DCTN4: variants seen among roughly 807,000 people sequenced by gnomAD.
The protein encoded by DCTN4 is dynactin 4 (p62).
Under a neutral mutation model 62.7 loss-of-function variants are expected in DCTN4, and 23 were observed. The ratio of observed to expected loss-of-function variants is 0.37; its 90% CI spans 0.26 to 0.52. The LOEUF is 0.52. DCTN4 is among the 20% of genes least tolerant of loss of function. DCTN4 has a pLI of 0.92. For missense variants in DCTN4, 514 were observed against 580.4 expected, an observed-to-expected ratio of 0.89 and a Z score of 1.18; for synonymous variants, 199 against 202.1, an observed-to-expected ratio of 0.98 and a Z score of 0.13.
At chr5:150,734,975 C>G (rs1760522500) in intron 4 of DCTN4, among the ~76,000 whole-genome samples, 1 of 152,222 alleles carries the variant, frequency 6.6e-6, no homozygotes, top group South Asian at 2.1e-4. Flanking sequence ...TTCACAGCAG[C>G]TGCAGCAAAC....
chr5:150,733,073 G>A (rs543233375), intron 5 of DCTN4, among the ~76,000 whole-genome samples: 2 of 152,162 alleles, frequency 1.3e-5, no homozygotes, highest in Non-Finnish European at 2.9e-5. Context: ...ATACACAAAA[G>A]CTGTACGTGG....
At chr5:150,747,050 A>C (rs1342318618) in intron 3 of DCTN4, among the ~76,000 whole-genome samples, 3 of 152,166 alleles carry the variant, frequency 2.0e-5, no homozygotes, top group Non-Finnish European at 4.4e-5. Context: ...CCATCGTCTC[A>C]GCCCAAAATC....
intron 4 of DCTN4, among the ~76,000 whole-genome samples, chr5:150,739,518 A>G (rs1250713655): frequency 6.6e-6 from 1 of 152,236 alleles, no homozygotes; most frequent in East Asian, 1.9e-4. Context: ...AGCAATCTGC[A>G]AATTCAATGC....
rs565660157 is a variant in DCTN4, at chr5:150,756,579, T to C, written c.136-92A>G. 2.5e-5 allele frequency: 18 copies of C among 712,916 alleles called. No individual in the cohort carries two copies. In the African/African-American group the frequency reaches 3.3e-4, roughly 13 times the overall value. The allele number at this position is 712,916 out of a possible 1,614,324, so 44.2% of individuals were successfully genotyped here. ...GTCAAATAGTGAATTTTAAAATATG[T>C]TATACTGTAGCAGAAAGTAGACTGT... On this transcript the variant is annotated intron_variant, in intron 1 of 12. Coordinates refer to ENST00000447998, the MANE Select transcript of DCTN4 (RefSeq NM_016221.4).
intron 8 of DCTN4, among the ~76,000 whole-genome samples, chr5:150,724,321 G>A (rs1180707173): frequency 6.6e-6 from 1 of 151,940 alleles, no homozygotes; most frequent in Non-Finnish European, 1.5e-5. Flanking sequence ...TTTCCTTGCC[G>A]ATTTGCTGAT....
At chr5:150,757,360 T>A (rs1269534392) in intron 1 of DCTN4, among the ~76,000 whole-genome samples, 1 of 152,166 alleles carries the variant, frequency 6.6e-6, no homozygotes, top group Non-Finnish European at 1.5e-5. Context: ...AAATTCTGCT[T>A]GTCCGTTCAT....
At chr5:150,753,678 C>G (rs771596778) in intron 2 of DCTN4, 21 bp from the exon 3 acceptor site, 7 of 1,596,576 alleles carry the variant, frequency 4.4e-6, no homozygotes, top group Non-Finnish European at 6.0e-6. Context: ...ACAAACACAA[C>G]CATTCATTCA....
chr5:150,756,384 TA>T, intron 2 of DCTN4, 32 bp downstream of exon 2: 1 of 1,486,922 alleles, frequency 6.7e-7, no homozygotes, highest in Non-Finnish European at 9.1e-7. Context: ...TCAAGGAAAA[TA>T]GGAAGAAAAA....
intron 8 of DCTN4, among the ~76,000 whole-genome samples, chr5:150,728,571 AT>A (rs1186278304): frequency 1.3e-5 from 2 of 152,198 alleles, no homozygotes; most frequent in African/African-American, 4.8e-5. Flanking sequence ...TTTTGAGTCT[AT>A]TATTCAGTGC....
Position 150,710,975 on chromosome 5 carries a change from G to A in DCTN4, c.*174C>T. The A allele has an allele frequency of 1.6e-6, 1 of 641,572 alleles. No individual in the cohort carries two copies. The highest frequency in any genetic ancestry group is 2.7e-6 in the Non-Finnish European group (1 of 370,456). 39.7% of individuals were successfully genotyped at this position (641,572 alleles called of 1,614,324 possible). On this transcript the variant is annotated 3_prime_UTR_variant, in exon 13 of 13. Transcript: ENST00000447998. ...AACAGGGGTGAGAGCAAGAGCAACAGCAGCTACCCTGTGTTCCCAATGCCT... is the reference window on the plus strand; with the variant it reads ...AACAGGGGTGAGAGCAAGAGCAACAACAGCTACCCTGTGTTCCCAATGCCT...
At chr5:150,714,729 A>G (rs555992267) in intron 12 of DCTN4, among the ~76,000 whole-genome samples, 3 of 152,110 alleles carry the variant, frequency 2.0e-5, no homozygotes, top group South Asian at 4.2e-4. Context: ...AAGTTTTCCA[A>G]TTCTTGTATA....
At chr5:150,713,434 TCTTTTC>T in intron 12 of DCTN4, among the ~76,000 whole-genome samples, 1 of 150,404 alleles carries the variant, frequency 6.6e-6, no homozygotes, top group South Asian at 2.1e-4. Context: ...ACTTTATTTT[TCTTTTC>T]TTTTCTTTTT....
At chr5:150,745,611 C>G (rs918191073) in intron 3 of DCTN4, among the ~76,000 whole-genome samples, 1 of 152,164 alleles carries the variant, frequency 6.6e-6, no homozygotes, top group African/African-American at 2.4e-5. Context: ...ACAGTGCAAT[C>G]AAACTAGAAC....
intron 4 of DCTN4, 117 bp downstream of exon 4, chr5:150,741,997 A>ACTTAT: frequency 3.5e-6 from 3 of 863,480 alleles, no homozygotes; most frequent in Non-Finnish European, 5.9e-6. Context: ...TCTATGTGCA[A>ACTTAT]AGACGTATTA....
intron 8 of DCTN4, among the ~76,000 whole-genome samples, chr5:150,727,633 G>A (rs1488062594): frequency 6.6e-5 from 10 of 151,470 alleles, no homozygotes; most frequent in Non-Finnish European, 1.3e-4. Flanking sequence ...AAAATTAGCC[G>A]GGCGTGGTGG....
At chr5:150,751,185 C>T (rs1181523277) in intron 3 of DCTN4, among the ~76,000 whole-genome samples, 1 of 152,096 alleles carries the variant, frequency 6.6e-6, no homozygotes. Flanking sequence ...ACATTACAGA[C>T]AAGTACTTAT....
chr5:150,747,818 A>G (rs1160006230), intron 3 of DCTN4, among the ~76,000 whole-genome samples: 60 of 149,048 alleles, frequency 4.0e-4, no homozygotes, highest in Non-Finnish European at 6.1e-4. Context: ...TAAATGTTAG[A>G]CCTAAAACCA....
intron 2 of DCTN4, 126 bp from the exon 3 acceptor site, chr5:150,753,783 T>C (rs933097081): frequency 5.3e-6 from 5 of 936,222 alleles, no homozygotes; most frequent in East Asian, 2.6e-5. Flanking sequence ...CTTACCAACT[T>C]TGCTTTAACA....
chr5:150,730,836 G>C (rs1027373402), intron 7 of DCTN4, 96 bp from the exon 8 acceptor site: 1 of 1,034,534 alleles, frequency 9.7e-7, no homozygotes, highest in Non-Finnish European at 1.5e-6. Flanking sequence ...CTGCCTTTAC[G>C]AACAGTGTTG....
Sources: gnomAD v4.1 joint callset for allele counts (sites outside exome capture counted in the v4.1 genomes callset) on GRCh38, gnomAD v4.1.1 for gene constraint, MANE v1.5 for transcripts, NCBI Gene and HGNC (gene_info 2026-07-23, HGNC 2026-07-21) for gene names.